MCF2: variants seen among roughly 807,000 people sequenced by gnomAD.
The protein encoded by MCF2 is proto-oncogene DBL.
In MCF2, 44 loss-of-function variants were observed where a neutral mutation model predicts 82.5. The observed-to-expected ratio is 0.53, with a 90% confidence interval of 0.42 to 0.69. MCF2 has a LOEUF of 0.69. MCF2 is among the 30% of genes least tolerant of loss of function. The pLI is 0.00. For synonymous variants in MCF2, 217 were observed against 224.9 expected (o/e 0.96, Z 0.32); for missense variants, 623 against 663.1 (o/e 0.94, Z 0.66).
intron 1 of MCF2, among the ~76,000 whole-genome samples, chrX:139,634,107 G>C (rs149169801): frequency 2.2e-3 from 248 of 111,507 alleles, no homozygotes; most frequent in Non-Finnish European, 3.8e-3. Context: ...GATGTCCTTC[G>C]GATAGCTGTT....
intron 18 of MCF2, 101 bp downstream of exon 22, chrX:139,597,359 T>C: frequency 1.6e-6 from 1 of 636,456 alleles, no homozygotes; most frequent in Non-Finnish European, 2.5e-6. Context: ...TCTCCAGTTA[T>C]CTGATTCTTA....
At chrX:139,689,191 C>T (rs1420879343) in intron 1 of MCF2, among the ~76,000 whole-genome samples, 3 of 112,383 alleles carry the variant, frequency 2.7e-5, no homozygotes, top group Non-Finnish European at 5.6e-5. Context: ...CTTACTTCAA[C>T]TGTGTTCTAA....
At chrX:139,586,246 G>C (rs974753624) in intron 23 of MCF2, 132 bp downstream of exon 27, 4 of 473,024 alleles carry the variant, frequency 8.5e-6, no homozygotes, top group African/African-American at 4.8e-5. Context: ...CAAGACATGA[G>C]AGCCTTATAA....
rs192461404 is a variant in MCF2 at position 139,681,595 on chromosome X, T to C, written c.-45+26511A>G. On this transcript the variant is annotated intron_variant, in intron 1 of 27. Transcript: ENST00000414978. Reference sequence around the variant, plus strand: ...ATCAAAATTTTCGTAATGAAGTAATTTTTAAATACACACATTCCAATACAA... The same window carrying C: ...ATCAAAATTTTCGTAATGAAGTAATCTTTAAATACACACATTCCAATACAA... Among the ~76,000 whole-genome samples the C allele has an allele frequency of 5.3e-5, 6 of 112,557 alleles. No homozygotes were observed. In the East Asian group the frequency reaches 1.7e-3, roughly 31 times the overall value.
At chrX:139,608,215 T>C (rs1931201942) in intron 11 of MCF2, among the ~76,000 whole-genome samples, 1 of 110,632 alleles carries the variant, frequency 9.0e-6, no homozygotes. Flanking sequence ...TTTTTTTTTT[T>C]CTAAGATCTG....
chrX:139,668,490 T>G (rs1019708675), intron 1 of MCF2, among the ~76,000 whole-genome samples: 9 of 111,130 alleles, frequency 8.1e-5, no homozygotes, highest in Non-Finnish European at 1.7e-4. Flanking sequence ...CAGGATTGCA[T>G]GCTTCCAGTG....
intron 6 of MCF2, among the ~76,000 whole-genome samples, chrX:139,622,111 C>CA (rs1222164953): frequency 1.5e-4 from 17 of 111,558 alleles, no homozygotes; most frequent in African/African-American, 3.3e-4. Context: ...TTTATGCAGC[C>CA]AAAAAACGCA....
intron 19 of MCF2, among the ~76,000 whole-genome samples, chrX:139,591,568 T>C (rs1025163290): frequency 1.1e-4 from 12 of 111,150 alleles, no homozygotes; most frequent in Non-Finnish European, 2.3e-4. Context: ...TGACTTTAGA[T>C]AGGGCCTTTC....
exon 9 of MCF2, chrX:139,616,398 C>A: frequency 8.4e-7 from 1 of 1,184,583 alleles, no homozygotes; most frequent in Non-Finnish European, 1.1e-6. Flanking sequence ...GCTTTCTGAG[C>A]ATCTTCTTTA....
rs761144 is a variant in MCF2 at position 139,635,764 on chromosome X, G to T, written c.52-3310C>A. On this transcript the variant is annotated intron_variant, in intron 1 of 24. Transcript: ENST00000370576. The stretch of plus-strand genomic sequence containing the variant: ...TTTAGGTTTGGGGGTATATGCAAAG[G>T]TTACAGAGACAAACACGTGTCACAG... 3.9e-3 allele frequency among the ~76,000 whole-genome samples: 440 copies of T among 111,417 alleles called. 4 individuals are homozygous for T. Among genetic ancestry groups the T allele is most frequent in the African/African-American group, 0.014 (415 of 30,662 alleles).
intron 18 of MCF2, 112 bp from the exon 23 acceptor site, chrX:139,596,882 G>GT (rs1253107405): frequency 3.8e-6 from 2 of 523,332 alleles, no homozygotes; most frequent in Non-Finnish European, 6.4e-6. Flanking sequence ...AATAATTTAT[G>GT]TTTTTTTAAA....
intron 1 of MCF2, among the ~76,000 whole-genome samples, chrX:139,652,731 G>A (rs1014591545): frequency 9.0e-6 from 1 of 110,925 alleles, no homozygotes; most frequent in African/African-American, 3.3e-5. Context: ...TCTTACTGAA[G>A]CCATGTTTTT....
intron 10 of MCF2, among the ~76,000 whole-genome samples, chrX:139,613,709 AT>A (rs1569357625): frequency 9.0e-6 from 1 of 111,054 alleles, no homozygotes; most frequent in Non-Finnish European, 1.9e-5. Context: ...TTTCAGTTTT[AT>A]TCTCATAGCT....
At chrX:139,584,061 C>T (rs1173192567) in intron 24 of MCF2, among the ~76,000 whole-genome samples, 1 of 108,232 alleles carries the variant, frequency 9.2e-6, no homozygotes, top group South Asian at 4.1e-4. Flanking sequence ...GAAACAATAT[C>T]TACTTTTTTA....
chrX:139,659,612 A>C (rs900993432), intron 1 of MCF2, among the ~76,000 whole-genome samples: 3 of 111,955 alleles, frequency 2.7e-5, no homozygotes, highest in Non-Finnish European at 5.6e-5. Context: ...GAAAAATATG[A>C]GTTCTGAACC....
At chrX:139,657,962 G>T (rs1168805970) in intron 1 of MCF2, among the ~76,000 whole-genome samples, 2 of 111,629 alleles carry the variant, frequency 1.8e-5, no homozygotes, top group African/African-American at 6.5e-5. Context: ...AGGCCAAGCT[G>T]CTCTGTGGTA....
At chrX:139,690,350 T>G (rs987752751) in intron 1 of MCF2, among the ~76,000 whole-genome samples, 1 of 105,860 alleles carries the variant, frequency 9.4e-6, no homozygotes, top group African/African-American at 3.4e-5. Flanking sequence ...TTTTTTTTTT[T>G]TTTTTTTTTT....
intron 1 of MCF2, among the ~76,000 whole-genome samples, chrX:139,670,647 C>G (rs984063279): frequency 9.0e-6 from 1 of 111,404 alleles, no homozygotes; most frequent in Non-Finnish European, 1.9e-5. Flanking sequence ...TGAACTCATC[C>G]CTTTTTATGG....
At chrX:139,705,219 A>T (rs2148590471) in intron 1 of MCF2, among the ~76,000 whole-genome samples, 1 of 112,073 alleles carries the variant, frequency 8.9e-6, no homozygotes, top group African/African-American at 3.2e-5. Context: ...AGGCTGAGGC[A>T]GGAGAATTGC....
Sources: allele counts gnomAD v4.1 joint callset (sites outside exome capture counted in the v4.1 genomes callset), GRCh38; gene constraint gnomAD v4.1.1; transcripts MANE v1.5; gene names NCBI Gene and HGNC (gene_info 2026-07-23, HGNC 2026-07-21).